SGCZ: variants seen among roughly 807,000 people sequenced by gnomAD.
SGCZ encodes sarcoglycan zeta.
Under a neutral mutation model 41.3 loss-of-function variants are expected in SGCZ, and 40 were observed. That is an observed-to-expected ratio of 0.97 (90% CI 0.75 to 1.26). The LOEUF (loss-of-function observed/expected upper bound fraction) is 1.26. SGCZ is among the 50% of genes most tolerant of loss of function. The probability of loss-of-function intolerance (pLI) is 0.00; values close to 1 mark genes in which losing one functional copy is unlikely to be tolerated. For synonymous variants in SGCZ, 206 were observed against 137.5 expected, an observed-to-expected ratio of 1.50 and a Z score of -3.49; for missense variants, 552 against 369.8, an observed-to-expected ratio of 1.49 and a Z score of -4.04.
chr8:14,447,719 A>T (rs1318639596), intron 2 of SGCZ, among the ~76,000 whole-genome samples: 1 of 152,212 alleles, frequency 6.6e-6, no homozygotes, highest in Non-Finnish European at 1.5e-5. Context: ...TTGGTACTGC[A>T]GCAAGAAAAT....
intron 1 of SGCZ, among the ~76,000 whole-genome samples, chr8:14,641,467 A>G (rs1807023323): frequency 6.6e-6 from 1 of 151,704 alleles, no homozygotes; most frequent in Non-Finnish European, 1.5e-5. Flanking sequence ...CTCAAAAACA[A>G]TTCTAGGACG....
chr8:14,363,336 G>A (rs557700649), intron 2 of SGCZ, among the ~76,000 whole-genome samples: 1 of 152,126 alleles, frequency 6.6e-6, no homozygotes, highest in Non-Finnish European at 1.5e-5. Flanking sequence ...CTTTCAGACT[G>A]AGACTAGACT....
intron 1 of SGCZ, among the ~76,000 whole-genome samples, chr8:15,091,849 C>T (rs1303698099): frequency 6.6e-6 from 1 of 152,124 alleles, no homozygotes; most frequent in Non-Finnish European, 1.5e-5. Context: ...ACATCCTGGG[C>T]TCAGGTGATC....
chr8:14,515,324 G>A (rs1222577882), intron 2 of SGCZ, among the ~76,000 whole-genome samples: 1 of 152,056 alleles, frequency 6.6e-6, no homozygotes, highest in African/African-American at 2.4e-5. Context: ...TATCCTGTAA[G>A]TCACAACATT....
chr8:14,736,248 C>A (rs1190917298), intron 1 of SGCZ, among the ~76,000 whole-genome samples: 1 of 152,012 alleles, frequency 6.6e-6, no homozygotes, highest in Non-Finnish European at 1.5e-5. Context: ...TCTCATAAAT[C>A]TTAGAGCCAA....
intron 1 of SGCZ, among the ~76,000 whole-genome samples, chr8:15,004,926 CA>C (rs1156392462): frequency 6.6e-6 from 1 of 152,100 alleles, no homozygotes. Context: ...CCTCCACCCC[CA>C]ATTCTGAATC....
intron 2 of SGCZ, among the ~76,000 whole-genome samples, chr8:14,368,011 T>C (rs1421231458): frequency 6.6e-6 from 1 of 152,110 alleles, no homozygotes; most frequent in South Asian, 2.1e-4. Context: ...ATATCTATTT[T>C]AATTTATTCA....
chr8:14,980,649 C>T (rs769297910), intron 1 of SGCZ, among the ~76,000 whole-genome samples: 4 of 152,076 alleles, frequency 2.6e-5, no homozygotes, highest in Admixed American at 6.6e-5. Context: ...GATGCAGAAG[C>T]GGAAACCCCT....
intron 4 of SGCZ, among the ~76,000 whole-genome samples, chr8:14,226,449 T>G (rs1009718553): frequency 6.6e-6 from 1 of 152,108 alleles, no homozygotes; most frequent in Non-Finnish European, 1.5e-5. Flanking sequence ...ACCATAGTTT[T>G]GTCCTTTTAA....
At chr8:14,920,068 G>A (rs546531366) in intron 1 of SGCZ, among the ~76,000 whole-genome samples, 2 of 152,210 alleles carry the variant, frequency 1.3e-5, no homozygotes, top group South Asian at 4.1e-4. Context: ...GCCTGTAAAT[G>A]GTAAATAATC....
At chr8:14,287,482 G>T (rs1800681869) in intron 3 of SGCZ, among the ~76,000 whole-genome samples, 1 of 151,928 alleles carries the variant, frequency 6.6e-6, no homozygotes. Context: ...TTATTGCCCT[G>T]TAAGATATTA....
At chr8:15,117,890 T>C (rs1285080896) in intron 1 of SGCZ, among the ~76,000 whole-genome samples, 1 of 152,228 alleles carries the variant, frequency 6.6e-6, no homozygotes, top group Non-Finnish European at 1.5e-5. Context: ...ATTTACCCAC[T>C]TATGCCTTAG....
At chr8:14,924,316 G>C (rs1585383067) in intron 1 of SGCZ, among the ~76,000 whole-genome samples, 3 of 152,198 alleles carry the variant, frequency 2.0e-5, no homozygotes, top group African/African-American at 7.2e-5. Context: ...TCTATGGTTT[G>C]TCAATTACTT....
At chr8:14,263,642 C>G (rs920744894) in intron 3 of SGCZ, among the ~76,000 whole-genome samples, 4 of 152,008 alleles carry the variant, frequency 2.6e-5, no homozygotes, top group Admixed American at 2.6e-4. Context: ...AAATAAGACC[C>G]TCCAGTGATC....
chr8:14,397,952 C>T (rs2117236737), intron 2 of SGCZ, among the ~76,000 whole-genome samples: 1 of 152,286 alleles, frequency 6.6e-6, no homozygotes, highest in South Asian at 2.1e-4. Context: ...GGCAGCTAGA[C>T]ATTCTGATGA....
chr8:14,539,524 T>C (rs749142248), intron 2 of SGCZ, among the ~76,000 whole-genome samples: 2 of 151,902 alleles, frequency 1.3e-5, no homozygotes, highest in Non-Finnish European at 1.5e-5. Context: ...TGTTTGTTTG[T>C]TCGTTTTTCA....
chr8:14,707,323 G>A (rs1350129784), intron 1 of SGCZ, among the ~76,000 whole-genome samples: 1 of 151,554 alleles, frequency 6.6e-6, no homozygotes, highest in Non-Finnish European at 1.5e-5. Context: ...CTTGATGTGT[G>A]TACACATGTA....
At chr8:14,136,923 C>A (rs1181214934) in intron 5 of SGCZ, among the ~76,000 whole-genome samples, 1 of 152,178 alleles carries the variant, frequency 6.6e-6, no homozygotes, top group Non-Finnish European at 1.5e-5. Flanking sequence ...CCTCATACAG[C>A]AGGTGCCCCT....
intron 1 of SGCZ, among the ~76,000 whole-genome samples, chr8:15,234,843 T>C (rs1254566694): frequency 6.6e-6 from 1 of 152,198 alleles, no homozygotes; most frequent in East Asian, 1.9e-4. Flanking sequence ...CTTTCTTTCT[T>C]AAAACCTGAG....
Sources: allele counts gnomAD v4.1 joint callset (sites outside exome capture counted in the v4.1 genomes callset), GRCh38; gene constraint gnomAD v4.1.1; transcripts MANE v1.5; gene names NCBI Gene and HGNC (gene_info 2026-07-23, HGNC 2026-07-21).